SLC25A21: variants seen among roughly 807,000 people sequenced by gnomAD.
SLC25A21 encodes mitochondrial 2-oxodicarboxylate carrier.
SLC25A21 carries 47 observed loss-of-function variants against 43.8 expected under a neutral mutation model. The observed-to-expected ratio is 1.07, with a 90% confidence interval of 0.85 to 1.37. SLC25A21 has a LOEUF of 1.37. Among genes scored for constraint, SLC25A21 ranks in the 40% most tolerant of loss-of-function variants. SLC25A21 has a pLI of 0.00. For missense variants in SLC25A21, 352 were observed against 350.2 expected, an observed-to-expected ratio of 1.00 and a Z score of -0.04; for synonymous variants, 131 against 121.3, an observed-to-expected ratio of 1.08 and a Z score of -0.52.
chr14:36,805,005 G>A (rs1429101377), intron 3 of SLC25A21, among the ~76,000 whole-genome samples: 1 of 152,142 alleles, frequency 6.6e-6, no homozygotes, highest in Non-Finnish European at 1.5e-5. Flanking sequence ...CATTGGCTAT[G>A]GAATCCCACC....
chr14:36,849,960 G>A (rs1889672487), intron 2 of SLC25A21, among the ~76,000 whole-genome samples: 1 of 152,128 alleles, frequency 6.6e-6, no homozygotes, highest in Non-Finnish European at 1.5e-5. Context: ...GTCAGTCCCT[G>A]GGGATCAAGT....
intron 7 of SLC25A21, among the ~76,000 whole-genome samples, chr14:36,695,977 T>C (rs1594496371): frequency 6.6e-6 from 1 of 152,340 alleles, no homozygotes; most frequent in East Asian, 1.9e-4. Flanking sequence ...GGCATCCTTG[T>C]CTTGTGCCGG....
chr14:37,026,558 A>C (rs1459105926), intron 1 of SLC25A21, among the ~76,000 whole-genome samples: 1 of 152,140 alleles, frequency 6.6e-6, no homozygotes, highest in Non-Finnish European at 1.5e-5. Flanking sequence ...TCCAAAGTAA[A>C]ACTATTTTGT....
At chr14:36,958,761 C>T (rs930334725) in intron 1 of SLC25A21, among the ~76,000 whole-genome samples, 1 of 152,064 alleles carries the variant, frequency 6.6e-6, no homozygotes, top group Non-Finnish European at 1.5e-5. Flanking sequence ...AGCAAGGCCA[C>T]TTGGCTGTTA....
At chr14:36,780,670 C>T (rs923841555) in intron 3 of SLC25A21, among the ~76,000 whole-genome samples, 2 of 151,842 alleles carry the variant, frequency 1.3e-5, no homozygotes, top group East Asian at 1.9e-4. Flanking sequence ...AGTTTCATAC[C>T]ACTGTGGTTG....
chr14:37,101,789 T>G (rs1490791435), intron 1 of SLC25A21, among the ~76,000 whole-genome samples: 1 of 152,042 alleles, frequency 6.6e-6, no homozygotes, highest in African/African-American at 2.4e-5. Context: ...AAAAAGAAAA[T>G]GCACTAAAAT....
intron 3 of SLC25A21, among the ~76,000 whole-genome samples, chr14:36,760,075 G>C (rs1886086403): frequency 6.6e-6 from 1 of 152,074 alleles, no homozygotes; most frequent in African/African-American, 2.4e-5. Context: ...TTTCTCTCTG[G>C]TTAAGTGAGG....
At chr14:37,020,867 C>T (rs550715560) in intron 1 of SLC25A21, among the ~76,000 whole-genome samples, 1 of 152,052 alleles carries the variant, frequency 6.6e-6, no homozygotes, top group African/African-American at 2.4e-5. Flanking sequence ...CATACTACAA[C>T]CCACAGGTTA....
At chr14:36,688,088 C>T (rs1459222914) in intron 7 of SLC25A21, among the ~76,000 whole-genome samples, 1 of 152,170 alleles carries the variant, frequency 6.6e-6, no homozygotes, top group Admixed American at 6.5e-5. Context: ...CATAATTACT[C>T]AAATATACCA....
intron 2 of SLC25A21, among the ~76,000 whole-genome samples, chr14:36,851,704 T>C (rs931657903): frequency 2.0e-5 from 3 of 152,178 alleles, no homozygotes; most frequent in Admixed American, 2.0e-4. Context: ...ATTCAAAATG[T>C]TGGGTCTCCT....
At chr14:37,072,978 C>T (rs757765839) in intron 1 of SLC25A21, among the ~76,000 whole-genome samples, 2 of 152,142 alleles carry the variant, frequency 1.3e-5, no homozygotes, top group South Asian at 2.1e-4. Flanking sequence ...CCTGGGACAA[C>T]GTGTCACTCT....
chr14:36,684,908 A>C lies in SLC25A21; in HGVS notation c.621T>G (p.Phe207Leu), dbSNP rs746373141. The change falls in exon 8 of 10, where the codon TTT becomes TTG. Residue 207 changes from phenylalanine to leucine, a missense_variant. Coordinates refer to ENST00000331299, the MANE Select transcript of SLC25A21 (RefSeq NM_030631.4). ...IPVNKDPILE[F>L]WRKFGIGLLS... ...GAAGACCAATCCCAAATTTTCTCCA[A>C]AACTCCAAGATTGGATCCTAAAAGA... 1 of 1,610,090 alleles carries C rather than the reference A, an allele frequency of 6.2e-7. No homozygotes were observed. Among genetic ancestry groups the C allele is most frequent in the Non-Finnish European group, 8.5e-7 (1 of 1,179,002 alleles).
chr14:37,126,989 C>A (rs1048767903), intron 1 of SLC25A21, among the ~76,000 whole-genome samples: 4 of 152,192 alleles, frequency 2.6e-5, no homozygotes, highest in African/African-American at 9.7e-5. Flanking sequence ...CTTGAAAATA[C>A]TGAAATCTAT....
intron 1 of SLC25A21, among the ~76,000 whole-genome samples, chr14:36,995,075 T>C (rs1008488305): frequency 1.3e-5 from 2 of 152,202 alleles, no homozygotes; most frequent in African/African-American, 2.4e-5. Flanking sequence ...CTTTCACGTC[T>C]GGCCTGAGTC....
chr14:36,866,353 A>T, intron 2 of SLC25A21, among the ~76,000 whole-genome samples: 1 of 152,174 alleles, frequency 6.6e-6, no homozygotes, highest in East Asian at 1.9e-4. Context: ...TTCAAAACTG[A>T]AAACAAAAAT....
chr14:36,989,055 T>C (rs1420024928), intron 1 of SLC25A21, among the ~76,000 whole-genome samples: 1 of 152,216 alleles, frequency 6.6e-6, no homozygotes, highest in African/African-American at 2.4e-5. Context: ...CCGCTTTCTT[T>C]TTAGAATTAT....
chr14:36,775,770 T>C (rs1258175826), intron 3 of SLC25A21, among the ~76,000 whole-genome samples: 1 of 152,226 alleles, frequency 6.6e-6, no homozygotes, highest in Admixed American at 6.5e-5. Flanking sequence ...CTACATTTAA[T>C]GAGGATTTAA....
At chr14:36,934,500 G>A (rs1419498900) in intron 1 of SLC25A21, among the ~76,000 whole-genome samples, 6 of 149,672 alleles carry the variant, frequency 4.0e-5, no homozygotes, top group African/African-American at 1.2e-4. Context: ...GCCATCCCTC[G>A]GGAATTAACT....
At chr14:36,904,401 T>A (rs886140408) in intron 1 of SLC25A21, among the ~76,000 whole-genome samples, 1 of 152,122 alleles carries the variant, frequency 6.6e-6, no homozygotes, top group East Asian at 1.9e-4. Context: ...TGCAAGAGAT[T>A]TTTGCAAGCC....
Sources: gnomAD v4.1 joint callset for allele counts (sites outside exome capture counted in the v4.1 genomes callset) on GRCh38, gnomAD v4.1.1 for gene constraint, MANE v1.5 for transcripts, NCBI Gene and HGNC (gene_info 2026-07-23, HGNC 2026-07-21) for gene names.